The following CD5L variants were observed in gnomAD, a reference collection of about 807,000 sequenced individuals.
CD5L encodes the protein CD5 antigen-like.
Under a neutral mutation model 40.8 loss-of-function variants are expected in CD5L, and 39 were observed. That is an observed-to-expected ratio of 0.96 (90% confidence interval 0.74 to 1.25). The LOEUF (loss-of-function observed/expected upper bound fraction) is 1.25, where lower values mean the gene tolerates loss of function less well. Ranked by LOEUF, CD5L falls within the 50% of genes most tolerant of loss-of-function variation. The pLI is 0.00. For synonymous variants in CD5L, 192 were observed against 169.6 expected (o/e 1.13, Z -1.03); for missense variants, 433 against 435.9 (o/e 0.99, Z 0.06).
In CD5L at chr1:157,834,569, G is replaced by A; in HGVS notation, c.556C>T (p.Leu186=). 1 of 1,614,186 alleles carries A rather than the reference G, an allele frequency of 6.2e-7. No individual in the cohort carries two copies. Among genetic ancestry groups the A allele is most frequent in the Middle Eastern group, 1.6e-4 (1 of 6,062 alleles). The part of the protein sequence containing the change: ...CRQLGCGRAV[L]TQKRCNKHAY... ...TGCTTGTTGCAGCGTTTTTGAGTCA[G>A]TACAGCCCTCCCACATCCCAGCTGC... The change falls in exon 4 of 6, where the codon CTG becomes TTG. Residue 186 remains leucine, a synonymous_variant. Transcript: ENST00000368174.
intron 1 of CD5L, among the ~76,000 whole-genome samples, chr1:157,841,002 C>A (rs777145786): frequency 6.6e-6 from 1 of 152,020 alleles, no homozygotes; most frequent in South Asian, 2.1e-4. Context: ...ATTTACCAGG[C>A]ATTGTTAGAT....
At chr1:157,834,362 A>C in intron 4 of CD5L, 45 bp downstream of exon 4, 1 of 1,486,650 alleles carries the variant, frequency 6.7e-7, no homozygotes, top group Non-Finnish European at 9.2e-7. Context: ...ATTCCACATA[A>C]TTAAATCCAT....
chr1:157,840,977 T>C (rs775788382), intron 1 of CD5L, among the ~76,000 whole-genome samples: 2 of 152,206 alleles, frequency 1.3e-5, no homozygotes, highest in Non-Finnish European at 2.9e-5. Context: ...GTGGATGTGA[T>C]TGATTAGCAT....
intron 2 of CD5L, among the ~76,000 whole-genome samples, chr1:157,837,771 ATTTTTTTT>A (rs55700960): frequency 3.6e-5 from 4 of 111,624 alleles, no homozygotes; most frequent in Non-Finnish European, 3.9e-5. Context: ...TAATCTAGCT[ATTTTTTTT>A]TTTTTTTTTT....
At chr1:157,834,784 C>A in intron 3 of CD5L, 36 bp from the exon 4 acceptor site, 1 of 1,533,596 alleles carries the variant, frequency 6.5e-7, no homozygotes, top group Non-Finnish European at 9.0e-7. Flanking sequence ...CTGTTCTCTG[C>A]CAGAACATGG....
chr1:157,833,439 T>C lies in CD5L; in HGVS notation c.792A>G (p.Val264=). The C allele has an allele frequency of 1.2e-6, 2 of 1,614,130 alleles. No individual in the cohort carries two copies. The highest frequency in any genetic ancestry group is 1.7e-6 in the Non-Finnish European group (2 of 1,180,022). The change falls in exon 5 of 6, where the codon GTA becomes GTG. Residue 264 remains valine, a synonymous_variant. Transcript: ENST00000368174. ...AGTTGTCATCACAGACAGAGCCCCA[T>C]ACGCCCTTGTGCAGCACCTCCAGTC... ...SGRLEVLHKG[V]WGSVCDDNWG... is the part of the protein sequence containing the mutation.
intron 1 of CD5L, 38 bp downstream of exon 1, chr1:157,841,636 A>T (rs1467293134): frequency 6.3e-7 from 1 of 1,599,750 alleles, no homozygotes; most frequent in Non-Finnish European, 8.5e-7. Context: ...GTGCCAGAAA[A>T]CTCTGAAGCC....
Position 157,835,911 on chromosome 1 carries a change from T to A in CD5L, c.300A>T (p.Glu100Asp). Residue 100 changes from glutamate (E) to aspartate (D), a missense_variant, in exon 3 of 6, where the codon GAA becomes GAT. By Grantham distance (45) the Glu-to-Asp change is conservative. Coordinates refer to ENST00000368174, the MANE Select transcript of CD5L (RefSeq NM_005894.3). ...LIQSVSCTGTEDTLAQCEQEE... is the reference protein window; with the variant it reads ...LIQSVSCTGTDDTLAQCEQEE... ...CTTGCTCACACTGAGCCAATGTATC[T>A]TCTGTTCCTGTGCAACTGACTGATT... 1 of 1,614,236 alleles carries A rather than the reference T, an allele frequency of 6.2e-7. No homozygotes were observed. Among genetic ancestry groups the A allele is most frequent in the South Asian group, 1.1e-5 (1 of 91,080 alleles).
intron 1 of CD5L, among the ~76,000 whole-genome samples, chr1:157,840,298 CT>C (rs1656333378): frequency 6.6e-6 from 1 of 152,074 alleles, no homozygotes; most frequent in African/African-American, 2.4e-5. Context: ...CATAAGGTCC[CT>C]CCTAATGCTG....
chr1:157,836,789 A>G (rs1179356366), intron 2 of CD5L, among the ~76,000 whole-genome samples: 2 of 152,214 alleles, frequency 1.3e-5, no homozygotes, highest in Admixed American at 6.5e-5. Context: ...TCAAGCGCCC[A>G]TCTCAGGAGA....
chr1:157,833,590 T>C, intron 4 of CD5L, 78 bp from the exon 5 acceptor site: 1 of 1,194,564 alleles, frequency 8.4e-7, no homozygotes, highest in South Asian at 1.5e-5. Flanking sequence ...ATTTTTAAAA[T>C]TTTTTCATTT....
intron 3 of CD5L, 88 bp from the exon 4 acceptor site, chr1:157,834,836 C>A: frequency 9.8e-7 from 1 of 1,019,986 alleles, no homozygotes; most frequent in Non-Finnish European, 1.5e-6. Flanking sequence ...TCTCACAGTT[C>A]TTGGTGTTCA....
At chr1:157,836,866 G>A (rs1343135577) in intron 2 of CD5L, among the ~76,000 whole-genome samples, 1 of 152,146 alleles carries the variant, frequency 6.6e-6, no homozygotes, top group African/African-American at 2.4e-5. Flanking sequence ...CTAATTCCAG[G>A]GACTAGAAGC....
intron 2 of CD5L, among the ~76,000 whole-genome samples, chr1:157,836,408 A>T (rs575957650): frequency 6.6e-6 from 1 of 152,308 alleles, no homozygotes; most frequent in African/African-American, 2.4e-5. Flanking sequence ...GACTGCTGGC[A>T]TTTTCAGATT....
intron 5 of CD5L, among the ~76,000 whole-genome samples, chr1:157,832,240 C>A (rs1249237772): frequency 1.3e-5 from 2 of 152,172 alleles, no homozygotes; most frequent in Admixed American, 6.5e-5. Context: ...TGAGGTAAAC[C>A]GGACAAGTGT....
rs777033062 is a variant in CD5L, at chr1:157,834,612, G to C, written c.513C>G (p.Ala171=). The C allele has an allele frequency of 1.2e-6, 2 of 1,614,148 alleles. No individual in the cohort carries two copies. The highest frequency in any genetic ancestry group is 1.7e-6 in the Non-Finnish European group (2 of 1,180,034). ...CCAGCTGCCGGCACACCACCTTTGC[G>C]GCCCGGAGGCTCCAGCCTGTCTGGC... ...TVCQTGWSLR[A]AKVVCRQLGC... is the part of the protein sequence containing the mutation. Residue 171 remains alanine, a synonymous_variant, in exon 4 of 6, where the codon GCC becomes GCG. Coordinates refer to ENST00000368174, the MANE Select transcript of CD5L (RefSeq NM_005894.3).
chr1:157,835,874 C>T lies in CD5L; in HGVS notation c.337G>A (p.Asp113Asn), dbSNP rs1186334722. 6.2e-7 allele frequency: 1 copy of T among 1,614,076 alleles called. No homozygotes were observed. Among genetic ancestry groups the T allele is most frequent in the Admixed American group, 1.7e-5 (1 of 60,026 alleles). Residue 113 changes from aspartate (D) to asparagine (N), a missense_variant, in exon 3 of 6, where the codon GAT (aspartate) becomes AAT (asparagine). Physicochemically the swap from Asp to Asn is conservative, Grantham distance 23. Transcript: ENST00000368174. ...LAQCEQEEVY[D>N]CSHDEDAGAS... ...CCAGCATCTTCATCATGTGAACAAT[C>T]ATAAACTTCTTCTTGCTCACACTGA...
rs1245428295 is a variant in CD5L, at chr1:157,831,415, C to T, written c.*549G>A. The T allele has an allele frequency of 2.0e-6, 2 of 984,258 alleles. No homozygotes were observed. Among genetic ancestry groups the T allele is most frequent in the Non-Finnish European group, 2.4e-6 (2 of 829,646 alleles). 61.0% of individuals were successfully genotyped at this position (984,258 alleles called of 1,614,324 possible). A position where few individuals can be genotyped will look rare whatever the true frequency, so the allele number is the denominator to read the frequency against. ...GAAATAACAGAATAGGGAGGTGTTG[C>T]TATTGTGGTCACCTGAAGCTTGAGG... is the stretch of plus-strand genomic sequence containing the variant. On this transcript the variant is annotated 3_prime_UTR_variant, in exon 6 of 6. Coordinates refer to ENST00000368174, the MANE Select transcript of CD5L (RefSeq NM_005894.3).
In CD5L at chr1:157,835,992, G is replaced by C. The variant is rs1360360978; in HGVS notation, c.219C>G (p.Thr73=). ...GTGGCTCATACAAAATACCACTAGG[G>C]GTTCCGCTGGCAGCTCCACAGCCCA... ...RELGCGAASG[T]PSGILYEPPA... Residue 73 remains threonine, a synonymous_variant, in exon 3 of 6, where the codon ACC becomes ACG. Transcript: ENST00000368174. The C allele has an allele frequency of 2.5e-6, 4 of 1,613,998 alleles. No individual in the cohort carries two copies. Among genetic ancestry groups the C allele is most frequent in the East Asian group, 4.5e-5 (2 of 44,886 alleles).
Sources: allele counts gnomAD v4.1 joint callset (sites outside exome capture counted in the v4.1 genomes callset), GRCh38; gene constraint gnomAD v4.1.1; transcripts MANE v1.5; gene names NCBI Gene and HGNC (gene_info 2026-07-23, HGNC 2026-07-21).